SNTG2: variants seen among roughly 807,000 people sequenced by gnomAD.
SNTG2 encodes the protein gamma-2-syntrophin.
Under a neutral mutation model 70.9 loss-of-function variants are expected in SNTG2, and 74 were observed. The ratio of observed to expected loss-of-function variants is 1.04; its 90% CI spans 0.86 to 1.27. SNTG2 has a LOEUF of 1.27. Ranked by LOEUF, SNTG2 falls within the 50% of genes most tolerant of loss-of-function variation. The probability of loss-of-function intolerance (pLI) is 0.00; values close to 1 mark genes in which losing one functional copy is unlikely to be tolerated. For synonymous variants in SNTG2, 278 were observed against 273.8 expected (o/e 1.02, Z -0.15); for missense variants, 717 against 690.7 (o/e 1.04, Z -0.43).
intron 9 of SNTG2, among the ~76,000 whole-genome samples, chr2:1,222,129 C>CTGTCTCTGTCTCTG (rs1209807504): frequency 2.0e-5 from 2 of 97,850 alleles, no homozygotes; most frequent in South Asian, 6.2e-4. Flanking sequence ...CTCTCTGTCT[C>CTGTCTCTGTCTCTG]TCTCTGTCTC....
intron 4 of SNTG2, among the ~76,000 whole-genome samples, chr2:1,109,128 T>C (rs1021454139): frequency 1.3e-5 from 2 of 152,086 alleles, no homozygotes; most frequent in Non-Finnish European, 2.9e-5. Context: ...GAGAGCTGGA[T>C]GCACAGCTTC....
intron 16 of SNTG2, among the ~76,000 whole-genome samples, chr2:1,347,794 C>A (rs1002693818): frequency 3.9e-5 from 6 of 152,228 alleles, no homozygotes; most frequent in African/African-American, 1.4e-4. Context: ...GTCCTGCACT[C>A]CCACACATGC....
chr2:1,257,998 T>C (rs1260547029), intron 12 of SNTG2, among the ~76,000 whole-genome samples: 1 of 152,114 alleles, frequency 6.6e-6, no homozygotes. Context: ...ATAAGCAGCA[T>C]TGTCCTAACT....
intron 4 of SNTG2, among the ~76,000 whole-genome samples, chr2:1,127,996 GT>G (rs1200755372): frequency 6.6e-6 from 1 of 152,092 alleles, no homozygotes; most frequent in Non-Finnish European, 1.5e-5. Flanking sequence ...ACTATGTTGA[GT>G]AAGAGTGGTG....
At chr2:962,902 GC>G (rs1290623087) in intron 1 of SNTG2, among the ~76,000 whole-genome samples, 5 of 152,154 alleles carry the variant, frequency 3.3e-5, no homozygotes, top group South Asian at 2.1e-4. Context: ...AGCGTGCTAA[GC>G]CCCACATTCA....
At chr2:1,138,573 G>T (rs1314354671) in intron 6 of SNTG2, among the ~76,000 whole-genome samples, 1 of 152,126 alleles carries the variant, frequency 6.6e-6, no homozygotes, top group East Asian at 1.9e-4. Flanking sequence ...CGAAGCGGGT[G>T]AGATGACGGG....
intron 1 of SNTG2, among the ~76,000 whole-genome samples, chr2:1,080,446 T>C (rs996343570): frequency 6.6e-6 from 1 of 152,234 alleles, no homozygotes; most frequent in Non-Finnish European, 1.5e-5. Context: ...CCTCAGCATA[T>C]TGATACACTT....
intron 1 of SNTG2, among the ~76,000 whole-genome samples, chr2:1,065,242 G>A (rs537235956): frequency 3.3e-5 from 5 of 152,082 alleles, no homozygotes; most frequent in African/African-American, 9.6e-5. Flanking sequence ...CTGCTTTTCC[G>A]GGATGCCTGT....
intron 13 of SNTG2, among the ~76,000 whole-genome samples, chr2:1,266,511 C>A (rs1280816980): frequency 2.6e-5 from 4 of 152,130 alleles, no homozygotes; most frequent in Admixed American, 1.3e-4. Flanking sequence ...CTTTGTCAGG[C>A]CTTTGGGTTG....
At chr2:1,068,442 G>A (rs948648253) in intron 1 of SNTG2, 1 of 152,196 alleles carries the variant, frequency 6.6e-6, no homozygotes, top group African/African-American at 2.4e-5. Context: ...CCAGTAACCA[G>A]GGGTTACGAT....
intron 1 of SNTG2, among the ~76,000 whole-genome samples, chr2:986,362 G>A (rs1443902053): frequency 6.6e-6 from 1 of 152,172 alleles, no homozygotes; most frequent in African/African-American, 2.4e-5. Flanking sequence ...AATCTCACCT[G>A]GAATCAGGTT....
intron 16 of SNTG2, among the ~76,000 whole-genome samples, chr2:1,348,758 C>A (rs931900606): frequency 2.0e-5 from 3 of 152,328 alleles, no homozygotes; most frequent in African/African-American, 4.8e-5. Context: ...TCATATTTGA[C>A]TGAGAATAAA....
chr2:1,040,770 A>G (rs1266576171), intron 1 of SNTG2, among the ~76,000 whole-genome samples: 3 of 152,238 alleles, frequency 2.0e-5, no homozygotes, highest in African/African-American at 7.2e-5. Flanking sequence ...AAAACGCATA[A>G]TGACAGTGTA....
At chr2:976,813 C>T (rs188862258) in intron 1 of SNTG2, among the ~76,000 whole-genome samples, 1 of 152,280 alleles carries the variant, frequency 6.6e-6, no homozygotes, top group East Asian at 1.9e-4. Flanking sequence ...CCCCATCCGT[C>T]TCCCTCCCTG....
chr2:1,011,082 T>A lies in SNTG2; in HGVS notation c.72+60014T>A, dbSNP rs549233818. On this transcript the variant is annotated intron_variant, in intron 1 of 16. Transcript: ENST00000308624. ...AGTGCTCTGATAGGTTTTCTTTTAG[T>A]TTATTGAACGGAAGACAGATTTAGT... Among the ~76,000 whole-genome samples the A allele has an allele frequency of 5.3e-5, 8 of 152,346 alleles. 1 individual carries two copies. In the South Asian group the frequency reaches 1.7e-3, roughly 32 times the overall value.
chr2:1,099,629 C>CGGTG (rs1665641197), intron 4 of SNTG2, among the ~76,000 whole-genome samples: 1 of 11,738 alleles, frequency 8.5e-5, no homozygotes, highest in African/African-American at 2.4e-4. Context: ...AAGGTGGGTG[C>CGGTG]AGTGAGGGCA....
intron 4 of SNTG2, among the ~76,000 whole-genome samples, chr2:1,126,681 G>T (rs1183058012): frequency 2.0e-5 from 3 of 152,118 alleles, no homozygotes; most frequent in African/African-American, 7.2e-5. Context: ...ACCGGGATAA[G>T]ATAATATCTT....
At chr2:1,119,736 A>G (rs1432995108) in intron 4 of SNTG2, among the ~76,000 whole-genome samples, 1 of 152,132 alleles carries the variant, frequency 6.6e-6, no homozygotes, top group Non-Finnish European at 1.5e-5. Flanking sequence ...TCACGTTACA[A>G]AGGCAGACGA....
At chr2:1,200,509 T>A (rs189826393) in intron 8 of SNTG2, among the ~76,000 whole-genome samples, 15 of 151,974 alleles carry the variant, frequency 9.9e-5, no homozygotes, top group Non-Finnish European at 1.8e-4. Flanking sequence ...AAAACTTTTT[T>A]AAAATAAACA....
Sources: allele counts gnomAD v4.1 joint callset (sites outside exome capture counted in the v4.1 genomes callset), GRCh38; gene constraint gnomAD v4.1.1; transcripts MANE v1.5; gene names NCBI Gene and HGNC (gene_info 2026-07-23, HGNC 2026-07-21).